Variants in TMEM163 observed in about 807,000 individuals in gnomAD.
TMEM163 encodes the protein transmembrane protein 163.
Under a neutral mutation model 29.3 loss-of-function variants are expected in TMEM163, and 17 were observed. The observed-to-expected ratio is 0.58, with a 90% confidence interval of 0.40 to 0.87. TMEM163 has a LOEUF of 0.87. Ranked by LOEUF, TMEM163 falls within the 40% of genes least tolerant of loss-of-function variation. The pLI, the probability that TMEM163 is intolerant of heterozygous loss-of-function variation, is 0.00. For synonymous variants in TMEM163, 157 were observed against 160.6 expected (o/e 0.98, Z 0.17); for missense variants, 303 against 381.5 (o/e 0.79, Z 1.71).
intron 5 of TMEM163, among the ~76,000 whole-genome samples, chr2:134,494,938 C>G (rs1679514737): frequency 6.6e-6 from 1 of 152,226 alleles, no homozygotes; most frequent in Non-Finnish European, 1.5e-5. Context: ...ACTGCATGGG[C>G]AGCAATCCTG....
chr2:134,641,886 A>C (rs1245642649), intron 2 of TMEM163, among the ~76,000 whole-genome samples: 1 of 152,198 alleles, frequency 6.6e-6, no homozygotes, highest in African/African-American at 2.4e-5. Flanking sequence ...CAAATGTAAA[A>C]AGATATACCA....
rs116285110 is a variant in TMEM163, at chr2:134,695,088, T to A, written c.322+18112A>T. Reference sequence around the variant, plus strand: ...ATGATGGAAAGGAGGAAAAAAAAATTTTTTTTGAGACGGAGTCTCGCTCTG... The same window carrying A: ...ATGATGGAAAGGAGGAAAAAAAAATATTTTTTGAGACGGAGTCTCGCTCTG... On this transcript the variant is annotated intron_variant, in intron 2 of 7. Coordinates refer to ENST00000281924, the MANE Select transcript of TMEM163 (RefSeq NM_030923.5). Among the ~76,000 whole-genome samples the A allele has an allele frequency of 5.6e-3, 850 of 152,228 alleles. 11 individuals carry two copies. Among genetic ancestry groups the A allele is most frequent in the African/African-American group, 0.02 (817 of 41,532 alleles).
At position 134,562,068 on chromosome 2, in the gene TMEM163, T is replaced by C. The variant is rs552675704; in HGVS notation, c.323-9977A>G. 2.0e-5 allele frequency among the ~76,000 whole-genome samples: 3 copies of C among 152,398 alleles called. No homozygotes were observed. The South Asian group carries it at 6.2e-4, about 32-fold the overall frequency. ...TCGCATTTTATCTTCTCTTGTCTTC[T>C]ATGTTAAATACCTGTGAGGTTGCTG... On this transcript the variant is annotated intron_variant, in intron 2 of 7. Coordinates refer to ENST00000281924, the MANE Select transcript of TMEM163 (RefSeq NM_030923.5).
intron 4 of TMEM163, among the ~76,000 whole-genome samples, chr2:134,548,990 AAGTC>A (rs1190146589): frequency 2.0e-5 from 3 of 152,088 alleles, no homozygotes; most frequent in Admixed American, 1.3e-4. Flanking sequence ...AAATTTTTAA[AAGTC>A]AGTTTACTAC....
chr2:134,492,194 C>T (rs1236898119), intron 5 of TMEM163, among the ~76,000 whole-genome samples: 1 of 152,216 alleles, frequency 6.6e-6, no homozygotes, highest in Admixed American at 6.5e-5. Context: ...GTGAGGTCAA[C>T]ATCTCAGGTA....
At chr2:134,537,404 C>T (rs559443557) in intron 4 of TMEM163, among the ~76,000 whole-genome samples, 1 of 152,350 alleles carries the variant, frequency 6.6e-6, no homozygotes, top group East Asian at 1.9e-4. Flanking sequence ...TCCTGGCTCA[C>T]AGACTGTGTC....
intron 2 of TMEM163, among the ~76,000 whole-genome samples, chr2:134,606,356 A>T (rs1682360497): frequency 6.8e-6 from 1 of 147,196 alleles, no homozygotes; most frequent in Non-Finnish European, 1.5e-5. Flanking sequence ...AAAAAAAAAA[A>T]TACTTCTGCC....
chr2:134,656,143 C>A (rs897530418), intron 2 of TMEM163, among the ~76,000 whole-genome samples: 1 of 144,520 alleles, frequency 6.9e-6, no homozygotes, highest in East Asian at 1.9e-4. Context: ...GCCCCTCCCC[C>A]AGCCTCGCTG....
intron 2 of TMEM163, among the ~76,000 whole-genome samples, chr2:134,637,783 T>C (rs1187370713): frequency 1.3e-5 from 2 of 152,254 alleles, no homozygotes; most frequent in African/African-American, 4.8e-5. Flanking sequence ...CTTAAATGTA[T>C]GTGCAGCTCA....
chr2:134,472,181 A>T (rs1338099480), intron 5 of TMEM163, among the ~76,000 whole-genome samples: 1 of 152,238 alleles, frequency 6.6e-6, no homozygotes, highest in East Asian at 1.9e-4. Flanking sequence ...GCCATAAAAG[A>T]TTGATATACT....
chr2:134,552,937 G>T (rs911510755), intron 2 of TMEM163, among the ~76,000 whole-genome samples: 5 of 152,058 alleles, frequency 3.3e-5, no homozygotes, highest in African/African-American at 1.2e-4. Context: ...TGGGATTACA[G>T]GTGTGAGCCA....
At chr2:134,498,491 A>AT (rs572914630) in intron 5 of TMEM163, among the ~76,000 whole-genome samples, 4 of 149,004 alleles carry the variant, frequency 2.7e-5, no homozygotes, top group East Asian at 4.0e-4. Flanking sequence ...TGGCTAATTT[A>AT]TTTATTTTTT....
intron 4 of TMEM163, among the ~76,000 whole-genome samples, chr2:134,549,162 T>C (rs576015673): frequency 1.8e-4 from 27 of 152,318 alleles, no homozygotes; most frequent in African/African-American, 5.5e-4. Flanking sequence ...AAGTAAGTTT[T>C]TGTACACTAA....
At chr2:134,632,866 C>T (rs570775715) in intron 2 of TMEM163, among the ~76,000 whole-genome samples, 140 of 151,250 alleles carry the variant, frequency 9.3e-4, no homozygotes, top group Middle Eastern at 3.5e-3. Context: ...CCTCAGCCTC[C>T]GGAGTAGCTG....
chr2:134,605,180 CAAA>C (rs754781954), intron 2 of TMEM163, among the ~76,000 whole-genome samples: 3 of 105,174 alleles, frequency 2.9e-5, no homozygotes, highest in African/African-American at 3.5e-5. Context: ...TGGTCTCCAG[CAAA>C]AAAAAAAAAA....
chr2:134,619,276 C>T (rs1387836082), intron 2 of TMEM163, among the ~76,000 whole-genome samples: 2 of 152,138 alleles, frequency 1.3e-5, no homozygotes, highest in Non-Finnish European at 2.9e-5. Context: ...CCAGTATTAC[C>T]GTAATACCAA....
chr2:134,630,004 A>G (rs1040461103), intron 2 of TMEM163, among the ~76,000 whole-genome samples: 1 of 152,228 alleles, frequency 6.6e-6, no homozygotes, highest in African/African-American at 2.4e-5. Flanking sequence ...ATCAGTATCC[A>G]CAGGCCCTCT....
At chr2:134,645,367 T>C (rs1683312036) in intron 2 of TMEM163, among the ~76,000 whole-genome samples, 1 of 152,224 alleles carries the variant, frequency 6.6e-6, no homozygotes, top group South Asian at 2.1e-4. Flanking sequence ...ATGGCTGCAT[T>C]TGTGCTATAA....
intron 2 of TMEM163, among the ~76,000 whole-genome samples, chr2:134,698,332 T>G (rs570566989): frequency 5.3e-5 from 8 of 152,366 alleles, no homozygotes; most frequent in Non-Finnish European, 1.2e-4. Context: ...TAGTAAACTA[T>G]GCACTTCATC....
Sources: gnomAD v4.1 joint callset for allele counts (sites outside exome capture counted in the v4.1 genomes callset) on GRCh38, gnomAD v4.1.1 for gene constraint, MANE v1.5 for transcripts, NCBI Gene and HGNC (gene_info 2026-07-23, HGNC 2026-07-21) for gene names.